The following NRG3 variants were observed in gnomAD, a reference collection of about 807,000 sequenced individuals.
NRG3 encodes pro-neuregulin-3, membrane-bound isoform.
A neutral mutation model predicts 66.9 loss-of-function variants in NRG3; 31 were observed. That is an observed-to-expected ratio of 0.46 (90% CI 0.35 to 0.63). The LOEUF (loss-of-function observed/expected upper bound fraction) is 0.63, where lower values mean the gene tolerates loss of function less well. NRG3 is among the 20% of genes least tolerant of loss of function. The probability of loss-of-function intolerance (pLI) is 0.00; values close to 1 mark genes in which losing one functional copy is unlikely to be tolerated. For missense variants in NRG3, 910 were observed against 878.9 expected (o/e 1.04, Z -0.45); for synonymous variants, 393 against 359.4 (o/e 1.09, Z -1.06).
chr10:82,656,051 G>A (rs535915542), intron 2 of NRG3, among the ~76,000 whole-genome samples: 1 of 152,258 alleles, frequency 6.6e-6, no homozygotes, highest in South Asian at 2.1e-4. Flanking sequence ...GGATAGTCAG[G>A]AAACTGTTAA....
intron 1 of NRG3, among the ~76,000 whole-genome samples, chr10:82,296,022 T>G (rs1456576915): frequency 6.6e-6 from 1 of 152,094 alleles, no homozygotes; most frequent in African/African-American, 2.4e-5. Context: ...AATGGTAGCT[T>G]TTACTGATCA....
intron 2 of NRG3, among the ~76,000 whole-genome samples, chr10:82,700,332 C>A (rs1322954112): frequency 6.6e-6 from 1 of 152,120 alleles, no homozygotes; most frequent in South Asian, 2.1e-4. Context: ...TGGAAAGCAC[C>A]TATACCAAAC....
intron 2 of NRG3, among the ~76,000 whole-genome samples, chr10:82,626,692 G>A (rs893693689): frequency 1.3e-5 from 2 of 152,008 alleles, no homozygotes; most frequent in Non-Finnish European, 2.9e-5. Flanking sequence ...TCCACACCCT[G>A]CAACATACAC....
intron 3 of NRG3, among the ~76,000 whole-genome samples, chr10:82,813,536 A>C (rs2061583260): frequency 6.6e-6 from 1 of 152,144 alleles, no homozygotes; most frequent in Non-Finnish European, 1.5e-5. Context: ...AATAAGTCTT[A>C]GTATATTGCA....
At chr10:82,074,855 A>G (rs553713520) in intron 1 of NRG3, among the ~76,000 whole-genome samples, 2 of 152,268 alleles carry the variant, frequency 1.3e-5, no homozygotes, top group Non-Finnish European at 2.9e-5. Context: ...CCAAAAACTA[A>G]AAATCATTTA....
chr10:82,216,532 GTGTGTGTACACATATGTATACATATGTA>G (rs2075690859), intron 1 of NRG3, among the ~76,000 whole-genome samples: 1 of 144,682 alleles, frequency 6.9e-6, no homozygotes, highest in South Asian at 2.1e-4. Flanking sequence ...ACATATATGT[GTGTGTGTACACATATGTATACATATGTA>G]TGTATATATC....
intron 1 of NRG3, among the ~76,000 whole-genome samples, chr10:82,191,257 T>C (rs1375340912): frequency 2.6e-5 from 4 of 152,148 alleles, no homozygotes. Context: ...GTCTATAAAA[T>C]AGGGCAAAGT....
chr10:81,875,389 G>C lies in NRG3; in HGVS notation c.49G>C (p.Ala17Pro). Residue 17 changes from alanine to proline, a missense_variant, in exon 1 of 9, where the codon GCC (alanine) becomes CCC (proline). By Grantham distance (27) the Ala-to-Pro change is conservative. Transcript: ENST00000372141. The surrounding 1 kb of genome is among the most constrained non-coding windows in gnomAD (Gnocchi z 5.3). ...CTCGCCACCTGGTGCCGCTTCGGCA[G>C]CCGCCGCCTCGGCCGAGGAGGGCAC... ...AASPPGAASA[A>P]AASAEEGTAA... 1 of 997,048 alleles carries C rather than the reference G, an allele frequency of 1.0e-6. No individual in the cohort carries two copies. Among genetic ancestry groups the C allele is most frequent in the Non-Finnish European group, 1.2e-6 (1 of 839,384 alleles). The allele number at this position is 997,048 out of a possible 1,614,324, so 61.8% of individuals were successfully genotyped here.
At chr10:82,961,242 C>G (rs1238573970) in intron 6 of NRG3, among the ~76,000 whole-genome samples, 1 of 152,006 alleles carries the variant, frequency 6.6e-6, no homozygotes, top group Non-Finnish European at 1.5e-5. Flanking sequence ...AAACATTGAT[C>G]AAAATGATTA....
chr10:82,089,523 C>T (rs1201233778), intron 1 of NRG3, among the ~76,000 whole-genome samples: 2 of 152,110 alleles, frequency 1.3e-5, no homozygotes, highest in Non-Finnish European at 2.9e-5. Flanking sequence ...AGTGGTGAGC[C>T]TAATTCCCAG....
intron 2 of NRG3, among the ~76,000 whole-genome samples, chr10:82,413,886 AAG>A (rs2088318177): frequency 2.0e-5 from 3 of 152,160 alleles, no homozygotes; most frequent in Non-Finnish European, 4.4e-5. Flanking sequence ...CATAGAATTG[AAG>A]AGAGTTAAGG....
Position 81,875,865 on chromosome 10 carries a change from C to T in NRG3, c.525C>T (p.Ile175=). 1 of 1,610,510 alleles carries T rather than the reference C, an allele frequency of 6.2e-7. No homozygotes were observed. Among genetic ancestry groups the T allele is most frequent in the Non-Finnish European group, 8.5e-7 (1 of 1,179,738 alleles). ...GCTTCCCCGGGCACCGGGTGCCCAT[C>T]CGGGCCAGCCCGCGCTCCACCACAG... is the stretch of plus-strand genomic sequence containing the variant. ...PTRFPGHRVP[I]RASPRSTTAR... The change falls in exon 1 of 9, where the codon ATC becomes ATT. Residue 175 remains isoleucine, a synonymous_variant. Transcript: ENST00000372141. The surrounding 1 kb of genome is among the most constrained non-coding windows in gnomAD (Gnocchi z 5.3).
intron 4 of NRG3, among the ~76,000 whole-genome samples, chr10:82,936,879 G>A (rs2132223529): frequency 6.6e-6 from 1 of 152,248 alleles, no homozygotes; most frequent in South Asian, 2.1e-4. Flanking sequence ...AGAGGGGTGA[G>A]CCATGCTATT....
At chr10:82,356,325 C>T (rs1175764763) in intron 1 of NRG3, among the ~76,000 whole-genome samples, 5 of 152,150 alleles carry the variant, frequency 3.3e-5, no homozygotes, top group African/African-American at 1.2e-4. Context: ...TTCTTAGAAG[C>T]ATGATCAGTG....
At chr10:81,987,856 C>T (rs1001608986) in intron 1 of NRG3, among the ~76,000 whole-genome samples, 2 of 152,138 alleles carry the variant, frequency 1.3e-5, no homozygotes, top group African/African-American at 4.8e-5. Flanking sequence ...AGGAAGCTCA[C>T]TGAAATGTTT....
intron 2 of NRG3, among the ~76,000 whole-genome samples, chr10:82,555,544 A>C (rs1192010776): frequency 6.6e-6 from 1 of 152,192 alleles, no homozygotes; most frequent in South Asian, 2.1e-4. Context: ...TTTGTATTTC[A>C]TGAGGTAATG....
chr10:82,339,833 T>G (rs1054971650), intron 1 of NRG3, among the ~76,000 whole-genome samples: 1 of 151,966 alleles, frequency 6.6e-6, no homozygotes, highest in African/African-American at 2.4e-5. Flanking sequence ...GTCTAGGAAG[T>G]TGTATCCTTT....
At chr10:82,617,695 C>T (rs560348800) in intron 2 of NRG3, among the ~76,000 whole-genome samples, 5 of 152,180 alleles carry the variant, frequency 3.3e-5, no homozygotes, top group East Asian at 1.9e-4. Context: ...GCAGTCAGGA[C>T]GAAGCAGTGG....
At chr10:82,271,418 T>C (rs1055318821) in intron 1 of NRG3, among the ~76,000 whole-genome samples, 9 of 152,104 alleles carry the variant, frequency 5.9e-5, no homozygotes, top group Admixed American at 4.6e-4. Flanking sequence ...GGAAAACATA[T>C]ATAAAACACT....
Sources: allele counts gnomAD v4.1 joint callset (sites outside exome capture counted in the v4.1 genomes callset), GRCh38; gene constraint gnomAD v4.1.1; non-coding constraint Gnocchi (gnomAD v3.1); transcripts MANE v1.5; gene names NCBI Gene and HGNC (gene_info 2026-07-23, HGNC 2026-07-21).